The following TNRC18 variants were observed in gnomAD, a reference collection of about 807,000 sequenced individuals.
TNRC18 encodes the protein trinucleotide repeat-containing gene 18 protein.
TNRC18 carries 69 observed loss-of-function variants against 226.7 expected under a neutral mutation model. The ratio of observed to expected loss-of-function variants is 0.30; its 90% CI spans 0.25 to 0.37. The LOEUF (loss-of-function observed/expected upper bound fraction) is 0.37, where lower values mean the gene tolerates loss of function less well. TNRC18 is among the 10% of genes least tolerant of loss of function. TNRC18 has a pLI of 1.00. For missense variants in TNRC18, 4,754 were observed against 4,256.6 expected, an observed-to-expected ratio of 1.12 and a Z score of -3.25; for synonymous variants, 2,449 against 1,927.6, an observed-to-expected ratio of 1.27 and a Z score of -7.09.
At chr7:5,400,947 T>A (rs780331665) in intron 2 of TNRC18, among the ~76,000 whole-genome samples, 1 of 151,916 alleles carries the variant, frequency 6.6e-6, no homozygotes, top group African/African-American at 2.4e-5. Flanking sequence ...GAAGCTGAGG[T>A]GGGAGGATTG....
intron 22 of TNRC18, 109 bp downstream of exon 22, chr7:5,320,964 C>T (rs755270426): frequency 1.6e-5 from 13 of 817,736 alleles, no homozygotes; most frequent in Non-Finnish European, 2.3e-5. Flanking sequence ...CCTGTGCCAT[C>T]GGGGGAAACC....
chr7:5,388,064 C>A lies in TNRC18; in HGVS notation c.1760G>T (p.Ser587Ile), dbSNP rs1341457402. ...AAAGCTGCCACTGTACTTTATAAGG[C>A]TCTGCATGGCCGAGGCCTCTCCAGA... is the stretch of plus-strand genomic sequence containing the variant. ...HGSGEASAMQ[S>I]LIKYSGSFAR... Residue 587 changes from serine (S) to isoleucine (I), a missense_variant, in exon 5 of 30, where the codon AGC becomes ATC. Physicochemically the swap from Ser to Ile is moderately radical, Grantham distance 142 (BLOSUM62 -2). Coordinates refer to ENST00000430969, the MANE Select transcript of TNRC18 (RefSeq NM_001080495.3). 4 of 1,557,572 alleles carry A rather than the reference C, an allele frequency of 2.6e-6. No individual in the cohort carries two copies. Among genetic ancestry groups the A allele is most frequent in the Non-Finnish European group, 3.5e-6 (4 of 1,151,370 alleles).
At chr7:5,414,771 G>A (rs1457151745) in intron 2 of TNRC18, among the ~76,000 whole-genome samples, 1 of 152,128 alleles carries the variant, frequency 6.6e-6, no homozygotes, top group Non-Finnish European at 1.5e-5. Flanking sequence ...ACCACACACA[G>A]TTATCCACTT....
At position 5,388,425 on chromosome 7, in the gene TNRC18, T is replaced by C. The variant is rs1294636759; in HGVS notation, c.1399A>G (p.Lys467Glu). 2.0e-6 allele frequency: 3 copies of C among 1,477,318 alleles called. No homozygotes were observed. In the African/African-American group the frequency reaches 4.5e-5, roughly 22 times the overall value. 91.5% of individuals were successfully genotyped at this position (1,477,318 alleles called of 1,614,324 possible). A position where few individuals can be genotyped will look rare whatever the true frequency, so the allele number is the denominator to read the frequency against. ...RAYVPAKELL[K>E]PEADPRPCER... Reference sequence around the variant, plus strand: ...CAGGGCCTCGGGTCCGCCTCGGGCTTGAGCAGCTCCTTGGCAGGCACGTAG... The same window carrying C: ...CAGGGCCTCGGGTCCGCCTCGGGCTCGAGCAGCTCCTTGGCAGGCACGTAG... The change falls in exon 5 of 30, where the codon AAG becomes GAG. Residue 467 changes from lysine to glutamate, a missense_variant. Coordinates refer to ENST00000430969, the MANE Select transcript of TNRC18 (RefSeq NM_001080495.3).
chr7:5,397,945 T>G (rs1162923303), intron 2 of TNRC18, among the ~76,000 whole-genome samples: 1 of 152,150 alleles, frequency 6.6e-6, no homozygotes, highest in Non-Finnish European at 1.5e-5. Context: ...CTGCCACCTG[T>G]GACCTGCCAC....
intron 4 of TNRC18, 21 bp from the exon 5 acceptor site, chr7:5,389,357 G>C (rs1330832362): frequency 8.0e-7 from 1 of 1,251,758 alleles, no homozygotes; most frequent in Non-Finnish European, 1.0e-6. Flanking sequence ...GGGAACAGCA[G>C]GCAGTGAGCG....
intron 19 of TNRC18, among the ~76,000 whole-genome samples, chr7:5,326,418 GT>G (rs1788916009): frequency 6.6e-6 from 1 of 152,084 alleles, no homozygotes; most frequent in Non-Finnish European, 1.5e-5. Flanking sequence ...AGAAGGGCCT[GT>G]AGGCTGCCTC....
intron 2 of TNRC18, among the ~76,000 whole-genome samples, chr7:5,417,990 C>G (rs1170651462): frequency 6.6e-6 from 1 of 152,158 alleles, no homozygotes; most frequent in African/African-American, 2.4e-5. Flanking sequence ...GTTAGCCAAG[C>G]CTCCAGTGTT....
In TNRC18 at chr7:5,313,192, T is replaced by C. The variant is rs762440350; in HGVS notation, c.7699A>G (p.Ser2567Gly). ...SESSSSSSSGSSSSSSSSSSS... is the reference protein window; with the variant it reads ...SESSSSSSSGGSSSSSSSSSS... ...CTGCTGCTGCTGCTGCTGCTACTGC[T>C]GCCACTACTGCTGCTGCTGCTGCTC... The change falls in exon 27 of 30, where the codon AGC (serine) becomes GGC (glycine). Residue 2567 changes from serine to glycine, a missense_variant. Ser to Gly is a moderately conservative substitution (Grantham distance 56). Transcript: ENST00000430969. 7 of 1,541,774 alleles carry C rather than the reference T, an allele frequency of 4.5e-6. No individual in the cohort carries two copies. In the South Asian group the frequency reaches 7.3e-5, roughly 16 times the overall value.
chr7:5,350,160 C>T (rs1342922713), intron 17 of TNRC18, among the ~76,000 whole-genome samples: 6 of 151,800 alleles, frequency 4.0e-5, no homozygotes, highest in Non-Finnish European at 7.4e-5. Flanking sequence ...AGAAGGGGAT[C>T]GTAAACTAAC....
At chr7:5,369,593 G>A (rs527638152) in intron 11 of TNRC18, among the ~76,000 whole-genome samples, 44 of 152,230 alleles carry the variant, frequency 2.9e-4, no homozygotes, top group Non-Finnish European at 5.4e-4. Flanking sequence ...AGGAGGGAAG[G>A]AGACGGGGAC....
chr7:5,394,222 G>A lies in TNRC18; in HGVS notation c.343+218C>T, dbSNP rs1780498791. ...AGGACTGGAAGGTGGTCTGTGGCAT[G>A]GGGTGTCAGGCTGAAAGGAGAGGAA... On this transcript the variant is annotated intron_variant, in intron 3 of 29. Coordinates refer to ENST00000430969, the MANE Select transcript of TNRC18 (RefSeq NM_001080495.3). The surrounding 1 kb of genome is among the most constrained non-coding windows in gnomAD (Gnocchi z 4.5). Among the ~76,000 whole-genome samples the A allele has an allele frequency of 6.6e-6, 1 of 152,150 alleles. No individual in the cohort carries two copies. The highest frequency in any genetic ancestry group is 1.5e-5 in the Non-Finnish European group (1 of 68,028).
intron 18 of TNRC18, among the ~76,000 whole-genome samples, chr7:5,335,468 C>G (rs1423070423): frequency 1.3e-5 from 2 of 151,596 alleles, no homozygotes; most frequent in Non-Finnish European, 2.9e-5. Flanking sequence ...ATTAGCCAGG[C>G]ATGGTGGTGG....
In TNRC18 at chr7:5,324,348, C is replaced by T. The variant is rs774738070; in HGVS notation, c.6308G>A (p.Gly2103Asp). The T allele has an allele frequency of 6.2e-7, 1 of 1,613,422 alleles. No individual in the cohort carries two copies. Among genetic ancestry groups the T allele is most frequent in the East Asian group, 2.2e-5 (1 of 44,886 alleles). Residue 2103 changes from glycine (G) to aspartate (D), a missense_variant, in exon 21 of 30, where the codon GGC becomes GAC. Transcript: ENST00000430969. The surrounding 1 kb of genome is among the most constrained non-coding windows in gnomAD (Gnocchi z 4.8). ...KGKEVKKENR[G>D]KGGAVSKLME... ...CAGCTTGCTCACGGCACCCCCCTTG[C>T]CGCGGTTCTGGGGACAGAACATGGC... is the stretch of plus-strand genomic sequence containing the variant.
intron 2 of TNRC18, among the ~76,000 whole-genome samples, chr7:5,419,532 A>G (rs931438493): frequency 4.0e-5 from 6 of 151,892 alleles, no homozygotes; most frequent in Non-Finnish European, 8.8e-5. Flanking sequence ...TGGTCTCTGT[A>G]CCCCAGGGCC....
intron 18 of TNRC18, among the ~76,000 whole-genome samples, chr7:5,334,639 G>C (rs1396474144): frequency 6.6e-6 from 1 of 152,134 alleles, no homozygotes; most frequent in African/African-American, 2.4e-5. Context: ...AGGCAGCAAG[G>C]GGCTTTTGAG....
In TNRC18 at chr7:5,388,511, C is replaced by G; in HGVS notation, c.1313G>C (p.Arg438Pro). ...CGTGGGGGCATCCGCGGGGGGCGGCCGCTTGAGCGAGCGGATGACCGAGTT... is the reference window on the plus strand; with the variant it reads ...CGTGGGGGCATCCGCGGGGGGCGGCGGCTTGAGCGAGCGGATGACCGAGTT... ...EKNSVIRSLK[R>P]PPPADAPTVR... The change falls in exon 5 of 30, where the codon CGG becomes CCG. Residue 438 changes from arginine (R) to proline (P), a missense_variant. By Grantham distance (103) the Arg-to-Pro change is moderately radical. Coordinates refer to ENST00000430969, the MANE Select transcript of TNRC18 (RefSeq NM_001080495.3). The G allele has an allele frequency of 7.5e-7, 1 of 1,327,606 alleles. No individual in the cohort carries two copies. Among genetic ancestry groups the G allele is most frequent in the Non-Finnish European group, 9.6e-7 (1 of 1,043,932 alleles). The allele number at this position is 1,327,606 out of a possible 1,614,324, so 82.2% of individuals were successfully genotyped here. A position where few individuals can be genotyped will look rare whatever the true frequency, so the allele number is the denominator to read the frequency against.
At chr7:5,421,953 A>G (rs1036138396) in intron 1 of TNRC18, among the ~76,000 whole-genome samples, 10 of 152,018 alleles carry the variant, frequency 6.6e-5, no homozygotes, top group Non-Finnish European at 1.5e-4. Flanking sequence ...TTAATATTTA[A>G]CCTTTTGGAG....
chr7:5,350,987 T>G (rs1791743283), intron 17 of TNRC18, among the ~76,000 whole-genome samples: 1 of 152,074 alleles, frequency 6.6e-6, no homozygotes, highest in African/African-American at 2.4e-5. Context: ...TAAATAATAG[T>G]TTTTAACCAC....
Sources: allele counts gnomAD v4.1 joint callset (sites outside exome capture counted in the v4.1 genomes callset), GRCh38; gene constraint gnomAD v4.1.1; non-coding constraint Gnocchi (gnomAD v3.1); transcripts MANE v1.5; gene names NCBI Gene and HGNC (gene_info 2026-07-23, HGNC 2026-07-21).